The following ZCWPW2 variants were observed in gnomAD, a reference collection of about 807,000 sequenced individuals.
ZCWPW2 encodes zinc finger CW-type PWWP domain protein 2.
A neutral mutation model predicts 46.6 loss-of-function variants in ZCWPW2; 45 were observed. The observed-to-expected ratio is 0.96, with a 90% confidence interval of 0.76 to 1.24. The LOEUF is 1.24. Among genes scored for constraint, ZCWPW2 ranks in the 50% most tolerant of loss-of-function variants. The probability of loss-of-function intolerance (pLI) is 0.00; values close to 1 mark genes in which losing one functional copy is unlikely to be tolerated. For synonymous variants in ZCWPW2, 152 were observed against 137.1 expected (o/e 1.11, Z -0.76); for missense variants, 429 against 403.9 (o/e 1.06, Z -0.53).
chr3:28,379,035 C>T (rs1426897083), intron 1 of ZCWPW2, among the ~76,000 whole-genome samples: 1 of 152,172 alleles, frequency 6.6e-6, no homozygotes, highest in Non-Finnish European at 1.5e-5. Flanking sequence ...GCCTTATGTG[C>T]TTCCATAGTA....
At chr3:28,485,532 G>A (rs2125810778) in intron 5 of ZCWPW2, among the ~76,000 whole-genome samples, 1 of 152,282 alleles carries the variant, frequency 6.6e-6, no homozygotes, top group Middle Eastern at 3.4e-3. Flanking sequence ...TCTCTCTGCA[G>A]TTCCATCAGT....
chr3:28,380,658 A>G (rs1292897251), intron 1 of ZCWPW2, among the ~76,000 whole-genome samples: 2 of 151,994 alleles, frequency 1.3e-5, no homozygotes, highest in Non-Finnish European at 2.9e-5. Context: ...TTCTGGAAAC[A>G]TGAATGTCAC....
intron 4 of ZCWPW2, among the ~76,000 whole-genome samples, chr3:28,476,996 G>A (rs1305177139): frequency 6.6e-6 from 1 of 152,058 alleles, no homozygotes; most frequent in Non-Finnish European, 1.5e-5. Flanking sequence ...TTCCTAACCG[G>A]TCATGGACTA....
chr3:28,432,381 CA>C (rs1697296454), intron 3 of ZCWPW2, among the ~76,000 whole-genome samples: 1 of 152,128 alleles, frequency 6.6e-6, no homozygotes, highest in South Asian at 2.1e-4. Context: ...TGGGACTTTA[CA>C]GTGCTGCAAA....
chr3:28,449,189 A>G (rs1698129390), intron 4 of ZCWPW2, among the ~76,000 whole-genome samples: 4 of 152,154 alleles, frequency 2.6e-5, no homozygotes, highest in Admixed American at 1.3e-4. Context: ...AGTCACATGC[A>G]AAAAACTGAA....
intron 6 of ZCWPW2, among the ~76,000 whole-genome samples, chr3:28,501,991 G>T (rs956712833): frequency 6.6e-6 from 1 of 151,990 alleles, no homozygotes; most frequent in Admixed American, 6.6e-5. Context: ...CCGTAGTGCT[G>T]GGATTACAGG....
In ZCWPW2 at chr3:28,463,000, T is replaced by A. The variant is rs2125789776; in HGVS notation, c.493-15814T>A. On this transcript the variant is annotated intron_variant, in intron 4 of 9. Coordinates refer to ENST00000383768, the MANE Select transcript of ZCWPW2 (RefSeq NM_001040432.4). ...AACAGTGGTTTACAAACTTTTCACT[T>A]TTGGACACAGCTAGGGATTTTCTCA... 1.3e-5 allele frequency among the ~76,000 whole-genome samples: 2 copies of A among 152,320 alleles called. 1 individual carries two copies. The highest frequency in any genetic ancestry group is 4.1e-4 in the South Asian group (2 of 4,824).
chr3:28,375,739 A>AG (rs1553630039), intron 1 of ZCWPW2, among the ~76,000 whole-genome samples: 3 of 146,118 alleles, frequency 2.1e-5, no homozygotes, highest in Non-Finnish European at 4.5e-5. Flanking sequence ...CATTCTTTCT[A>AG]TTTTTTTTTT....
intron 6 of ZCWPW2, chr3:28,511,150 G>T: frequency 2.3e-6 from 1 of 436,280 alleles, no homozygotes; most frequent in Non-Finnish European, 4.6e-6. Flanking sequence ...CAATCTGGAA[G>T]ATGAATTGAA....
chr3:28,360,060 A>G (rs1704881519), intron 1 of ZCWPW2, among the ~76,000 whole-genome samples: 1 of 152,146 alleles, frequency 6.6e-6, no homozygotes, highest in Admixed American at 6.6e-5. Context: ...GGATTAAGAA[A>G]AATCATTGTG....
At chr3:28,401,984 A>G (rs920390088) in intron 2 of ZCWPW2, among the ~76,000 whole-genome samples, 1 of 151,848 alleles carries the variant, frequency 6.6e-6, no homozygotes, top group Non-Finnish European at 1.5e-5. Context: ...AAAGAGCACT[A>G]ACAGACAATC....
chr3:28,358,976 A>G (rs1481252698), intron 1 of ZCWPW2, among the ~76,000 whole-genome samples: 1 of 152,164 alleles, frequency 6.6e-6, no homozygotes, highest in Non-Finnish European at 1.5e-5. Context: ...AAGTTTAAAG[A>G]TCAGAGAAAA....
intron 2 of ZCWPW2, among the ~76,000 whole-genome samples, chr3:28,394,348 A>T (rs1341753605): frequency 6.6e-6 from 1 of 152,138 alleles, no homozygotes; most frequent in Non-Finnish European, 1.5e-5. Flanking sequence ...TATGATCCAA[A>T]ACAATCTACA....
intron 4 of ZCWPW2, among the ~76,000 whole-genome samples, chr3:28,452,721 GT>G (rs777798866): frequency 6.6e-6 from 1 of 152,166 alleles, no homozygotes; most frequent in Non-Finnish European, 1.5e-5. Context: ...ATAAATGTTA[GT>G]TGTTAGTATT....
chr3:28,454,405 A>G (rs1017932770), intron 4 of ZCWPW2, among the ~76,000 whole-genome samples: 1 of 152,188 alleles, frequency 6.6e-6, no homozygotes, highest in Non-Finnish European at 1.5e-5. Context: ...CTCCTTTGTT[A>G]TCTTTGTCAT....
intron 3 of ZCWPW2, among the ~76,000 whole-genome samples, chr3:28,413,629 T>A (rs1696500027): frequency 6.6e-6 from 1 of 152,138 alleles, no homozygotes; most frequent in South Asian, 2.1e-4. Flanking sequence ...AAGCTATAAA[T>A]TTTTCTCCAA....
At chr3:28,401,646 A>G (rs1312169894) in intron 2 of ZCWPW2, among the ~76,000 whole-genome samples, 2 of 152,196 alleles carry the variant, frequency 1.3e-5, no homozygotes, top group East Asian at 1.9e-4. Context: ...TCTTTTCAGC[A>G]GCACATGGAA....
At chr3:28,502,494 C>T (rs1700170473) in intron 6 of ZCWPW2, among the ~76,000 whole-genome samples, 1 of 152,102 alleles carries the variant, frequency 6.6e-6, no homozygotes, top group Non-Finnish European at 1.5e-5. Flanking sequence ...GTGGTTTTCA[C>T]AAAATGGCCA....
Position 28,524,579 on chromosome 3 carries a change from A to T in ZCWPW2, c.962A>T (p.Tyr321Phe), listed in dbSNP as rs369567370. Residue 321 changes from tyrosine to phenylalanine, a missense_variant, in exon 10 of 10, where the codon TAT becomes TTT. Coordinates refer to ENST00000383768, the MANE Select transcript of ZCWPW2 (RefSeq NM_001040432.4). ...GCAGGCAGTCTGTTTGAAAACCACT[A>T]TGAAGAGGACTATCTTGTAATTGAT... Reference protein sequence around the residue: ...APAGSLFENHYEEDYLVIDGI... With the variant: ...APAGSLFENHFEEDYLVIDGI... 3.8e-5 allele frequency: 61 copies of T among 1,609,470 alleles called. No homozygotes were observed. The African/African-American group carries it at 7.6e-4, about 20-fold the overall frequency.
Sources: gnomAD v4.1 joint callset for allele counts (sites outside exome capture counted in the v4.1 genomes callset) on GRCh38, gnomAD v4.1.1 for gene constraint, MANE v1.5 for transcripts, NCBI Gene and HGNC (gene_info 2026-07-23, HGNC 2026-07-21) for gene names.